PIR: variants seen among roughly 807,000 people sequenced by gnomAD.
PIR encodes pirin (iron-binding nuclear protein).
PIR carries 22 observed loss-of-function variants against 24.2 expected under a neutral mutation model. The observed-to-expected ratio is 0.91, with a 90% confidence interval of 0.65 to 1.30. The LOEUF is 1.30. Among genes scored for constraint, PIR ranks in the 50% most tolerant of loss-of-function variants. The probability of loss-of-function intolerance (pLI) is 0.00; values close to 1 mark genes in which losing one functional copy is unlikely to be tolerated. For synonymous variants in PIR, 80 were observed against 79.6 expected (o/e 1.00, Z -0.03); for missense variants, 220 against 220.3 (o/e 1.00, Z 0.01).
intron 8 of PIR, among the ~76,000 whole-genome samples, chrX:15,392,539 A>G (rs1923991019): frequency 1.8e-5 from 2 of 111,958 alleles, no homozygotes; most frequent in African/African-American, 6.5e-5. Context: ...TTAATCTTCC[A>G]TGTATTTAAT....
chrX:15,477,452 A>G (rs1465061079), intron 3 of PIR, among the ~76,000 whole-genome samples: 3 of 111,997 alleles, frequency 2.7e-5, no homozygotes, highest in Non-Finnish European at 5.6e-5. Flanking sequence ...ACTTTGTTTT[A>G]TGTTTATTTC....
rs751639462 is a variant in PIR at position 15,407,503 on chromosome X, T to C, written c.610+3A>G. 8.4e-7 allele frequency: 1 copy of C among 1,191,765 alleles called. No homozygotes were observed. Among genetic ancestry groups the C allele is most frequent in the Non-Finnish European group, 1.1e-6 (1 of 877,339 alleles). On this transcript the variant is annotated splice_donor_region_variant and intron_variant, in intron 7 of 9. Coordinates refer to ENST00000380420, the MANE Select transcript of PIR (RefSeq NM_001018109.3). ...AGCCCTAAGTGACACAGCCATAACT[T>C]ACCAATATACACATCTCCAGATATC...
intron 5 of PIR, among the ~76,000 whole-genome samples, chrX:15,449,711 T>C (rs1465673615): frequency 8.9e-6 from 1 of 112,497 alleles, no homozygotes; most frequent in Non-Finnish European, 1.9e-5. Context: ...TATCCATTTT[T>C]CTTATACTGA....
At chrX:15,461,556 G>A (rs1180538304) in intron 3 of PIR, among the ~76,000 whole-genome samples, 2 of 112,238 alleles carry the variant, frequency 1.8e-5, no homozygotes, top group African/African-American at 3.2e-5. Context: ...CAAGGTGGGC[G>A]GATCGCCTGA....
At chrX:15,475,091 G>A (rs1176904677) in intron 3 of PIR, among the ~76,000 whole-genome samples, 1 of 84,193 alleles carries the variant, frequency 1.2e-5, no homozygotes, top group Non-Finnish European at 2.2e-5. Context: ...TGAAAGTGGT[G>A]CACAGCAAGC....
chrX:15,419,443 A>G (rs1925043781), intron 6 of PIR, among the ~76,000 whole-genome samples: 1 of 108,559 alleles, frequency 9.2e-6, no homozygotes, highest in Admixed American at 1.0e-4. Context: ...AGACAGACAG[A>G]CTGAGAAAGA....
chrX:15,401,251 CTTA>C (rs1188241591), intron 7 of PIR, among the ~76,000 whole-genome samples: 3 of 107,443 alleles, frequency 2.8e-5, no homozygotes, highest in Non-Finnish European at 3.8e-5. Context: ...GAGGCAGGAT[CTTA>C]TTATGTTGCC....
At chrX:15,439,948 C>T (rs147505555) in intron 5 of PIR, among the ~76,000 whole-genome samples, 85 of 111,911 alleles carry the variant, frequency 7.6e-4, no homozygotes, top group Non-Finnish European at 1.3e-3. Context: ...AGGTCACCTA[C>T]ACCAACCAAG....
At position 15,397,036 on chromosome X, in the gene PIR, G is replaced by A. The variant is rs777393311; in HGVS notation, c.693+413C>T. The stretch of plus-strand genomic sequence containing the variant: ...ATTACAGGCGTGAGCCACCACGCCC[G>A]GCCAAGGTGGGGATTCTTTTCAAAG... On this transcript the variant is annotated intron_variant, in intron 8 of 9. Transcript: ENST00000380420. 1.8e-4 allele frequency among the ~76,000 whole-genome samples: 20 copies of A among 112,476 alleles called. No individual in the cohort carries two copies. In the East Asian group the frequency reaches 2.0e-3, roughly 11 times the overall value.
At chrX:15,466,305 TA>T (rs1329078458) in intron 3 of PIR, among the ~76,000 whole-genome samples, 1 of 111,781 alleles carries the variant, frequency 8.9e-6, no homozygotes, top group African/African-American at 3.3e-5. Context: ...AAGGTGGTTT[TA>T]ACAAAAAGGA....
chrX:15,425,176 G>A (rs772927529), intron 6 of PIR, among the ~76,000 whole-genome samples: 1 of 110,654 alleles, frequency 9.0e-6, no homozygotes, highest in East Asian at 2.8e-4. Flanking sequence ...GTATGCACTT[G>A]TGTATAAGTA....
Position 15,396,637 on chromosome X carries a change from C to A in PIR, c.693+812G>T, listed in dbSNP as rs180670758. On this transcript the variant is annotated intron_variant, in intron 8 of 9. Transcript: ENST00000380420. Reference sequence around the variant, plus strand: ...AACCTGGAAATTTGGGAATAAAAACCTCCCAAGACTCCTAAAATATCAGAA... The same window carrying A: ...AACCTGGAAATTTGGGAATAAAAACATCCCAAGACTCCTAAAATATCAGAA... 3.9e-3 allele frequency among the ~76,000 whole-genome samples: 440 copies of A among 111,522 alleles called. 3 individuals carry two copies. The highest frequency in any genetic ancestry group is 0.013 in the African/African-American group (408 of 30,652).
chrX:15,487,825 T>C (rs1473010465), intron 2 of PIR, among the ~76,000 whole-genome samples: 2 of 112,620 alleles, frequency 1.8e-5, no homozygotes, highest in African/African-American at 3.2e-5. Flanking sequence ...AGTGAGAGCA[T>C]TGTATATTCC....
intron 5 of PIR, among the ~76,000 whole-genome samples, chrX:15,430,531 T>C (rs902746065): frequency 1.3e-4 from 14 of 111,865 alleles, no homozygotes; most frequent in Non-Finnish European, 1.7e-4. Context: ...TCTCCTTCCC[T>C]ATAAATATGT....
chrX:15,488,465 G>A (rs944952150), intron 2 of PIR, among the ~76,000 whole-genome samples: 1 of 110,367 alleles, frequency 9.1e-6, no homozygotes, highest in Admixed American at 9.7e-5. Context: ...AAAAATTCAC[G>A]AGTAAGAGAA....
At chrX:15,465,100 C>T (rs2147065876) in intron 3 of PIR, among the ~76,000 whole-genome samples, 1 of 111,745 alleles carries the variant, frequency 8.9e-6, no homozygotes, top group Admixed American at 9.5e-5. Context: ...GTTATCCCCC[C>T]TTTCCTCTAC....
At chrX:15,453,393 T>C (rs768402558) in intron 5 of PIR, among the ~76,000 whole-genome samples, 2 of 112,364 alleles carry the variant, frequency 1.8e-5, no homozygotes, top group East Asian at 5.6e-4. Context: ...TCCTATTTAA[T>C]AGATGAGACA....
chrX:15,388,199 C>A (rs1296227068), intron 9 of PIR, among the ~76,000 whole-genome samples: 1 of 112,423 alleles, frequency 8.9e-6, no homozygotes, highest in Non-Finnish European at 1.9e-5. Flanking sequence ...TGAAGCCCCC[C>A]TCTTGTATAA....
Position 15,410,179 on chromosome X carries a change from A to G in PIR, c.566-2629T>C, listed in dbSNP as rs931370019. On this transcript the variant is annotated intron_variant, in intron 6 of 9. Coordinates refer to ENST00000380420, the MANE Select transcript of PIR (RefSeq NM_001018109.3). ...AGCAGGAAAATTGCTTGAACCTGGG[A>G]GGCAGAGGTTGCAGTGAGCCGAGAT... Among the ~76,000 whole-genome samples the G allele has an allele frequency of 7.4e-4, 82 of 110,890 alleles. 1 individual carries two copies. The highest frequency in any genetic ancestry group is 2.4e-3 in the African/African-American group (74 of 30,405).
Sources: allele counts gnomAD v4.1 joint callset (sites outside exome capture counted in the v4.1 genomes callset), GRCh38; gene constraint gnomAD v4.1.1; transcripts MANE v1.5; gene names NCBI Gene and HGNC (gene_info 2026-07-23, HGNC 2026-07-21).